Variants in SGIP1 observed in about 807,000 individuals in gnomAD.
SGIP1 encodes SH3-containing GRB2-like protein 3-interacting protein 1.
A neutral mutation model predicts 107.5 loss-of-function variants in SGIP1; 38 were observed. The ratio of observed to expected loss-of-function variants is 0.35; its 90% CI spans 0.27 to 0.46. The LOEUF is 0.46. Ranked by LOEUF, SGIP1 falls within the 20% of genes least tolerant of loss-of-function variation. The probability of loss-of-function intolerance (pLI) is 1.00; values close to 1 mark genes in which losing one functional copy is unlikely to be tolerated. For synonymous variants in SGIP1, 365 were observed against 366.1 expected (o/e 1.00, Z 0.03); for missense variants, 929 against 1,019.5 (o/e 0.91, Z 1.21).
At chr1:66,549,554 C>T (rs544756295) in intron 1 of SGIP1, among the ~76,000 whole-genome samples, 1 of 152,078 alleles carries the variant, frequency 6.6e-6, no homozygotes, top group Non-Finnish European at 1.5e-5. Flanking sequence ...TAGAGTCAAA[C>T]ATATTTCCTG....
intron 18 of SGIP1, among the ~76,000 whole-genome samples, chr1:66,717,567 C>G (rs1032118064): frequency 6.6e-6 from 1 of 152,140 alleles, no homozygotes; most frequent in Non-Finnish European, 1.5e-5. Flanking sequence ...TAGCCATGCA[C>G]ACTCCAACTT....
rs765138800 is a variant in SGIP1, at chr1:66,729,470, T to C, written c.1898+51T>C. 2.5e-6 allele frequency: 4 copies of C among 1,605,992 alleles called. No homozygotes were observed. In the Admixed American group the frequency reaches 5.0e-5, roughly 20 times the overall value. On this transcript the variant is annotated intron_variant, in intron 20 of 24. Coordinates refer to ENST00000371037, the MANE Select transcript of SGIP1 (RefSeq NM_032291.4). ...TCAGAGATACATGTGGCTTAGTACT[T>C]TGTACTTAGATGAGGGATATATCTT...
chr1:66,620,946 A>G (rs991981149), intron 1 of SGIP1, among the ~76,000 whole-genome samples: 3 of 152,218 alleles, frequency 2.0e-5, no homozygotes, highest in Non-Finnish European at 4.4e-5. Flanking sequence ...AACACAATTG[A>G]GCCAATTATT....
intron 7 of SGIP1, 179 bp downstream of exon 7, chr1:66,643,898 A>G: frequency 2.2e-6 from 1 of 450,552 alleles, no homozygotes; most frequent in East Asian, 3.7e-5. Flanking sequence ...CTTATTTTAT[A>G]TTGCAGTCCT....
rs2077023379 is a variant in SGIP1 at position 66,642,844 on chromosome 1, T to C, written c.263T>C (p.Ile88Thr). ...GAGCTGGATGAAGAAGGCTACAGCA[T>C]CAGACCCGAGGAACCCGGCTATATC... ...SPELDEEGYS[I>T]RPEEPGSTKG... Residue 88 changes from isoleucine to threonine, a missense_variant, in exon 6 of 25, where the codon ATC becomes ACC. Ile to Thr is a moderately conservative substitution (Grantham distance 89, BLOSUM62 -1). Coordinates refer to ENST00000371037, the MANE Select transcript of SGIP1 (RefSeq NM_032291.4). 2 of 1,612,654 alleles carry C rather than the reference T, an allele frequency of 1.2e-6. No individual in the cohort carries two copies. Among genetic ancestry groups the C allele is most frequent in the Non-Finnish European group, 1.7e-6 (2 of 1,179,352 alleles).
intron 1 of SGIP1, among the ~76,000 whole-genome samples, chr1:66,589,191 T>C (rs1481708026): frequency 5.2e-5 from 4 of 76,312 alleles, no homozygotes; most frequent in South Asian, 2.1e-3. Flanking sequence ...TATATATATA[T>C]ATATATATAT....
At position 66,706,839 on chromosome 1, in the gene SGIP1, T is replaced by C. The variant is rs572735394; in HGVS notation, c.1630+11346T>C. 2.6e-5 allele frequency among the ~76,000 whole-genome samples: 4 copies of C among 152,300 alleles called. No individual in the cohort carries two copies. In the East Asian group the frequency reaches 7.7e-4, roughly 29 times the overall value. On this transcript the variant is annotated intron_variant, in intron 18 of 24. Transcript: ENST00000371037. The stretch of plus-strand genomic sequence containing the variant: ...TCACACAGTGTATAATTATGCATCC[T>C]TTTATTTTAACATACGCTAATATTC...
intron 16 of SGIP1, among the ~76,000 whole-genome samples, chr1:66,689,645 T>C (rs1408852): frequency 0.27 from 41,412 of 152,180 alleles, 6,991 homozygotes; most frequent in East Asian, 0.79. Flanking sequence ...GACATATTGA[T>C]TGTAGGCACA....
chr1:66,676,779 A>G (rs936273240), intron 12 of SGIP1, among the ~76,000 whole-genome samples: 5 of 152,046 alleles, frequency 3.3e-5, no homozygotes, highest in Non-Finnish European at 7.4e-5. Flanking sequence ...TTATGTAGCT[A>G]TATGTACACA....
chr1:66,619,475 C>G (rs2149253181), intron 1 of SGIP1, among the ~76,000 whole-genome samples: 1 of 152,336 alleles, frequency 6.6e-6, no homozygotes, highest in East Asian at 1.9e-4. Context: ...TTTGTACCTG[C>G]CCCACCTCTC....
In SGIP1 at chr1:66,588,966, A is replaced by C. The variant is rs1347854947; in HGVS notation, c.11-36881A>C. On this transcript the variant is annotated intron_variant, in intron 1 of 24. Transcript: ENST00000371037. ...AGAAATGTGATAAGAAAAGAAAAAA[A>C]ATTCTCTACTGAGCACAAGAAGCAA... Among the ~76,000 whole-genome samples, 9 of 150,146 alleles carry C rather than the reference A, an allele frequency of 6.0e-5. No homozygotes were observed. In the South Asian group the frequency reaches 1.9e-3, roughly 32 times the overall value.
intron 1 of SGIP1, among the ~76,000 whole-genome samples, chr1:66,611,953 A>G (rs1487264785): frequency 6.6e-6 from 1 of 152,210 alleles, no homozygotes; most frequent in Non-Finnish European, 1.5e-5. Flanking sequence ...TAGAGTCAGT[A>G]TTATTCAACA....
intron 18 of SGIP1, among the ~76,000 whole-genome samples, chr1:66,709,908 T>C (rs1432645410): frequency 1.3e-5 from 2 of 152,032 alleles, no homozygotes; most frequent in Admixed American, 1.3e-4. Flanking sequence ...TATAAGACTA[T>C]CAAAACACTC....
intron 4 of SGIP1, among the ~76,000 whole-genome samples, chr1:66,636,772 C>G (rs1387204956): frequency 6.6e-6 from 1 of 152,154 alleles, no homozygotes; most frequent in Non-Finnish European, 1.5e-5. Flanking sequence ...ACCCAAGGAT[C>G]ATTACCTGGC....
intron 18 of SGIP1, among the ~76,000 whole-genome samples, chr1:66,703,224 T>C (rs754385252): frequency 2.0e-5 from 3 of 152,030 alleles, no homozygotes; most frequent in Admixed American, 6.6e-5. Context: ...TCACAAGAAA[T>C]AGAAGAATAG....
chr1:66,552,435 C>G (rs147650444), intron 1 of SGIP1, among the ~76,000 whole-genome samples: 1 of 152,228 alleles, frequency 6.6e-6, no homozygotes, highest in African/African-American at 2.4e-5. Flanking sequence ...TTCTTCTGCT[C>G]TCTTACCTGG....
rs1462338023 is a variant in SGIP1 at position 66,746,099 on chromosome 1, A to T, written c.*3004A>T. The T allele has an allele frequency of 2.6e-5, 4 of 152,146 alleles. No homozygotes were observed. Among genetic ancestry groups the T allele is most frequent in the African/African-American group, 7.2e-5 (3 of 41,456 alleles). The allele number at this position is 152,146 out of a possible 1,614,324, so 9.4% of individuals were successfully genotyped here. ...AATTTTTTTTGTTTTATATATTCTT[A>T]GTCAGCAGAGTGTTTGAGCTATAAT... On this transcript the variant is annotated 3_prime_UTR_variant, in exon 25 of 25. Transcript: ENST00000371037.
chr1:66,623,497 C>T (rs947551312), intron 1 of SGIP1, among the ~76,000 whole-genome samples: 4 of 152,132 alleles, frequency 2.6e-5, no homozygotes, highest in African/African-American at 4.8e-5. Context: ...GTGATCCACC[C>T]GCCTCAGCCT....
chr1:66,742,488 G>C lies in SGIP1; in HGVS notation c.2465-585G>C, dbSNP rs1249419723. 2.5e-3 allele frequency among the ~76,000 whole-genome samples: 6 copies of C among 2,442 alleles called. 1 individual carries two copies. The highest frequency in any genetic ancestry group is 4.5e-3 in the African/African-American group (6 of 1,342). 1.6% of individuals were successfully genotyped at this position (2,442 alleles called of 152,430 possible). ...TTTTTTTTTTTTTTTTTTTTTTTTT[G>C]AGACGGAGTCTCACTCTGTCGCCCA... On this transcript the variant is annotated intron_variant, in intron 24 of 24. Coordinates refer to ENST00000371037, the MANE Select transcript of SGIP1 (RefSeq NM_032291.4).
Sources: gnomAD v4.1 joint callset for allele counts (sites outside exome capture counted in the v4.1 genomes callset) on GRCh38, gnomAD v4.1.1 for gene constraint, MANE v1.5 for transcripts, NCBI Gene and HGNC (gene_info 2026-07-23, HGNC 2026-07-21) for gene names.